Variants in LAIR1 observed in about 807,000 individuals in gnomAD.
LAIR1 encodes leukocyte-associated immunoglobulin-like receptor 1.
A neutral mutation model predicts 32.8 loss-of-function variants in LAIR1; 24 were observed. The ratio of observed to expected loss-of-function variants is 0.73; its 90% CI spans 0.53 to 1.03. The LOEUF (loss-of-function observed/expected upper bound fraction) is 1.03, where lower values mean the gene tolerates loss of function less well. Ranked by LOEUF, LAIR1 falls within the 50% of genes least tolerant of loss-of-function variation. LAIR1 has a pLI of 0.00. For missense variants in LAIR1, 355 were observed against 347.5 expected (o/e 1.02, Z -0.17); for synonymous variants, 150 against 140.5 (o/e 1.07, Z -0.48).
intron 2 of LAIR1, among the ~76,000 whole-genome samples, chr19:54,363,047 G>A (rs765997947): frequency 6.6e-6 from 1 of 151,968 alleles, no homozygotes; most frequent in African/African-American, 2.4e-5. Flanking sequence ...TTCATCTTAC[G>A]ATGAGATATT....
In LAIR1 at chr19:54,356,516, GAGGCAGA is replaced by G. The variant is rs762766003; in HGVS notation, c.551_557del (p.Phe184SerfsTer7). The G allele has an allele frequency of 6.2e-7, 1 of 1,614,002 alleles. No homozygotes were observed. Among genetic ancestry groups the G allele is most frequent in the South Asian group, 1.1e-5 (1 of 91,062 alleles). ...CCTGCTTTATCTGATTCTGGCGATG[GAGGCAGA>G]AGAGGACCAGGAGGAGGAGACAGAA... On this transcript the variant is annotated frameshift_variant, in exon 6 of 10. Transcript: ENST00000391742. LOFTEE classifies it high-confidence loss of function.
chr19:54,375,652 C>G, the LAIR1 span, among the ~76,000 whole-genome samples: 1 of 152,088 alleles, frequency 6.6e-6, no homozygotes, highest in Non-Finnish European at 1.5e-5. Context: ...TGCCTTCGCC[C>G]CATTCACAAT....
chr19:54,352,593 A>G lies in LAIR1; in HGVS notation c.*2675T>C, dbSNP rs1426555192. 1.3e-5 allele frequency: 2 copies of G among 153,694 alleles called. No homozygotes were observed. The highest frequency in any genetic ancestry group is 2.4e-5 in the African/African-American group (1 of 41,390). 9.5% of individuals were successfully genotyped at this position (153,694 alleles called of 1,614,324 possible). A position where few individuals can be genotyped will look rare whatever the true frequency, so the allele number is the denominator to read the frequency against. ...TTTTGCTTAATTTCCCCTAAACTCT[A>G]TCTGTCCTGCTTTCCACTGTGACCT... is the stretch of plus-strand genomic sequence containing the variant. On this transcript the variant is annotated 3_prime_UTR_variant, in exon 10 of 10. Transcript: ENST00000391742.
At position 54,364,791 on chromosome 19, in the gene LAIR1, G is replaced by T. The variant is rs778632174; in HGVS notation, c.14C>A (p.Pro5His). MSPH[P>H]TALLGLVLCL... ...CTCACCTAGGCCCAGGAGGGCGGTG[G>T]GGTGGGGAGACATGGCCCAGGTCCC... The change falls in exon 1 of 10, where the codon CCC (proline) becomes CAC (histidine). Residue 5 changes from proline to histidine, a missense_variant. Transcript: ENST00000391742. This position sits in a 1 kb window ranked among gnomAD's most constrained non-coding sequence, Gnocchi z 4.8. The T allele has an allele frequency of 6.2e-7, 1 of 1,613,960 alleles. No individual in the cohort carries two copies. The highest frequency in any genetic ancestry group is 1.3e-5 in the African/African-American group (1 of 74,946).
In LAIR1 at chr19:54,354,989, G is replaced by A; in HGVS notation, c.*279C>T. 2.7e-6 allele frequency: 1 copy of A among 367,248 alleles called. No homozygotes were observed. The allele number at this position is 367,248 out of a possible 1,614,324, so 22.7% of individuals were successfully genotyped here. On this transcript the variant is annotated 3_prime_UTR_variant, in exon 10 of 10. Transcript: ENST00000391742. Reference sequence around the variant, plus strand: ...GAAACAGTCAGGTGAATAAAGCTGGGTCTCTAGAAACAGCCAGGGAACTGT... The same window carrying A: ...GAAACAGTCAGGTGAATAAAGCTGGATCTCTAGAAACAGCCAGGGAACTGT...
rs531016730 is a variant in LAIR1, at chr19:54,363,225, G to C, written c.70+1070C>G. ...ACGGAGGGGAGAGGGGCTGTCACCT[G>C]GGGGTGATGCAGGAAAAGTCGATGA... On this transcript the variant is annotated intron_variant, in intron 2 of 9. Transcript: ENST00000391742. Among the ~76,000 whole-genome samples, 6 of 152,072 alleles carry C rather than the reference G, an allele frequency of 3.9e-5. 1 individual carries two copies. The highest frequency in any genetic ancestry group is 1.4e-4 in the African/African-American group (6 of 41,454).
In LAIR1 at chr19:54,355,156, G is replaced by T; in HGVS notation, c.*112C>A. 1 of 1,062,802 alleles carries T rather than the reference G, an allele frequency of 9.4e-7. No individual in the cohort carries two copies. The highest frequency in any genetic ancestry group is 1.4e-6 in the Non-Finnish European group (1 of 732,692). The allele number at this position is 1,062,802 out of a possible 1,614,324, so 65.8% of individuals were successfully genotyped here. ...CTCTTGTCTCCAGGACAGCTGCCTG[G>T]CTGGCTTTCTAGATGAAGAGGAATC... On this transcript the variant is annotated 3_prime_UTR_variant, in exon 10 of 10. Coordinates refer to ENST00000391742, the MANE Select transcript of LAIR1 (RefSeq NM_002287.6). The surrounding 1 kb of genome is among the most constrained non-coding windows in gnomAD (Gnocchi z 4.7).
chr19:54,355,331 C>T lies in LAIR1; in HGVS notation c.801G>A (p.Val267=). ...CCATGGGCTTTGTGGACTGTGGGGA[C>T]ACAGCCCGGGCTGTCCTCTGTGTGA... ...WALTQRTARA[V]SPQSTKPMAE... Residue 267 remains valine (V), a synonymous_variant, in exon 10 of 10, where the codon GTG becomes GTA. Coordinates refer to ENST00000391742, the MANE Select transcript of LAIR1 (RefSeq NM_002287.6). The surrounding 1 kb of genome is among the most constrained non-coding windows in gnomAD (Gnocchi z 4.7). 6.2e-7 allele frequency: 1 copy of T among 1,613,198 alleles called. No homozygotes were observed. The highest frequency in any genetic ancestry group is 8.5e-7 in the Non-Finnish European group (1 of 1,179,578).
rs1269484238 is a variant in LAIR1 at position 54,355,333 on chromosome 19, C to A, written c.799G>T (p.Val267Leu). 1.2e-6 allele frequency: 2 copies of A among 1,613,352 alleles called. No individual in the cohort carries two copies. Among genetic ancestry groups the A allele is most frequent in the African/African-American group, 1.3e-5 (1 of 74,846 alleles). Residue 267 changes from valine to leucine, a missense_variant, in exon 10 of 10, where the codon GTG (valine) becomes TTG (leucine). Physicochemically the swap from Val to Leu is conservative, Grantham distance 32 (BLOSUM62 1). Transcript: ENST00000391742. This position sits in a 1 kb window ranked among gnomAD's most constrained non-coding sequence, Gnocchi z 4.7. Reference protein sequence around the residue: ...WALTQRTARAVSPQSTKPMAE... With the variant: ...WALTQRTARALSPQSTKPMAE... ...ATGGGCTTTGTGGACTGTGGGGACA[C>A]AGCCCGGGCTGTCCTCTGTGTGAGG... is the stretch of plus-strand genomic sequence containing the variant.
At chr19:54,371,046 A>G (rs542150685), upstream of LAIR1, among the ~76,000 whole-genome samples, 132 of 151,006 alleles carry the variant, frequency 8.7e-4, 7 homozygotes, top group African/African-American at 3.1e-3. Flanking sequence ...CAATTTAAAG[A>G]AATTTTTTTA....
rs1370535619 is a variant in LAIR1 at position 54,364,489 on chromosome 19, G to A, written c.35-159C>T. On this transcript the variant is annotated intron_variant, in intron 1 of 9. Transcript: ENST00000391742. The surrounding 1 kb of genome is among the most constrained non-coding windows in gnomAD (Gnocchi z 4.8). ...CTGTCTCCATGTAATCCTTCTTGCT[G>A]CAAAATGGTTTCAAGATAAATCCCA... 15 of 803,536 alleles carry A rather than the reference G, an allele frequency of 1.9e-5. No individual in the cohort carries two copies. Among genetic ancestry groups the A allele is most frequent in the Non-Finnish European group, 3.2e-5 (15 of 463,388 alleles). 49.8% of individuals were successfully genotyped at this position (803,536 alleles called of 1,614,324 possible).
At chr19:54,372,489 T>C (rs893775101), upstream of LAIR1, among the ~76,000 whole-genome samples, 2 of 119,460 alleles carry the variant, frequency 1.7e-5, no homozygotes, top group African/African-American at 7.0e-5. Flanking sequence ...CTTTCTTTCT[T>C]TCTTTTTTTT....
rs2081687277 is a variant in LAIR1, at chr19:54,356,079, C to T, written c.665-73G>A. On this transcript the variant is annotated intron_variant, in intron 8 of 9. Transcript: ENST00000391742. Reference sequence around the variant, plus strand: ...GCAAATCTGCCTGAGACCCCCACCCCCAGCTTCCGATGACATCCTGCACCC... The same window carrying T: ...GCAAATCTGCCTGAGACCCCCACCCTCAGCTTCCGATGACATCCTGCACCC... The T allele has an allele frequency of 2.0e-5, 27 of 1,346,338 alleles. No individual in the cohort carries two copies. In the South Asian group the frequency reaches 3.0e-4, roughly 15 times the overall value. The allele number at this position is 1,346,338 out of a possible 1,614,324, so 83.4% of individuals were successfully genotyped here.
Position 54,352,988 on chromosome 19 carries a change from C to T in LAIR1, c.*2280G>A, listed in dbSNP as rs1024222132. 2 of 152,084 alleles carry T rather than the reference C, an allele frequency of 1.3e-5. No homozygotes were observed. The highest frequency in any genetic ancestry group is 4.8e-5 in the African/African-American group (2 of 41,358). 9.4% of individuals were successfully genotyped at this position (152,084 alleles called of 1,614,324 possible). ...AGCCTGAGCAACATGGAGAGCCCCCCGTCTCTAACAAAAATACAAAAAATT... is the reference window on the plus strand; with the variant it reads ...AGCCTGAGCAACATGGAGAGCCCCCTGTCTCTAACAAAAATACAAAAAATT... On this transcript the variant is annotated 3_prime_UTR_variant, in exon 10 of 10. Coordinates refer to ENST00000391742, the MANE Select transcript of LAIR1 (RefSeq NM_002287.6).
intron 5 of LAIR1, 78 bp from the exon 6 acceptor site, chr19:54,356,697 G>A (rs1396029322): frequency 2.2e-5 from 31 of 1,417,444 alleles, no homozygotes; most frequent in Admixed American, 8.7e-5. Context: ...CGTCACGTGC[G>A]TTTCATAGAC....
At position 54,355,759 on chromosome 19, in the gene LAIR1, C is replaced by A. The variant is rs2081666077; in HGVS notation, c.717+195G>T. On this transcript the variant is annotated intron_variant, in intron 9 of 9. Transcript: ENST00000391742. The surrounding 1 kb of genome is among the most constrained non-coding windows in gnomAD (Gnocchi z 4.7). ...TGCCCACAGCCGGGGAAGTGAGCGT[C>A]TTGGACGTGGATCCTCCAGCCCACG... is the stretch of plus-strand genomic sequence containing the variant. Among the ~76,000 whole-genome samples the A allele has an allele frequency of 6.6e-6, 1 of 152,140 alleles. No homozygotes were observed.
chr19:54,366,481 C>T (rs531531806), upstream of LAIR1, among the ~76,000 whole-genome samples: 26 of 151,990 alleles, frequency 1.7e-4, no homozygotes, highest in Non-Finnish European at 3.4e-4. Flanking sequence ...GGGTGTCTGG[C>T]GGAAGAAATT....
chr19:54,355,884 A>G lies in LAIR1; in HGVS notation c.717+70T>C. ...CCAGCTGAGCCACTCCTGAATTCCT[A>G]ACCCAAGGAACTGAGATTTTTTTAA... is the stretch of plus-strand genomic sequence containing the variant. On this transcript the variant is annotated intron_variant, in intron 9 of 9. Transcript: ENST00000391742. The surrounding 1 kb of genome is among the most constrained non-coding windows in gnomAD (Gnocchi z 4.7). 1 of 1,092,446 alleles carries G rather than the reference A, an allele frequency of 9.2e-7. No homozygotes were observed. Among genetic ancestry groups the G allele is most frequent in the Non-Finnish European group, 1.4e-6 (1 of 705,762 alleles). The allele number at this position is 1,092,446 out of a possible 1,614,324, so 67.7% of individuals were successfully genotyped here. A position where few individuals can be genotyped will look rare whatever the true frequency, so the allele number is the denominator to read the frequency against.
At chr19:54,365,049 C>T, upstream of LAIR1, 2 of 1,402,556 alleles carry the variant, frequency 1.4e-6, no homozygotes, top group South Asian at 1.6e-5. Flanking sequence ...CGCTTAGAGG[C>T]AGATGACCGT....
Sources: allele counts gnomAD v4.1 joint callset (sites outside exome capture counted in the v4.1 genomes callset), GRCh38; gene constraint gnomAD v4.1.1; non-coding constraint Gnocchi (gnomAD v3.1); transcripts MANE v1.5; gene names NCBI Gene and HGNC (gene_info 2026-07-23, HGNC 2026-07-21).